The following SYN3 variants were observed in gnomAD, a reference collection of about 807,000 sequenced individuals.
SYN3 encodes the protein synapsin III.
A neutral mutation model predicts 65.8 loss-of-function variants in SYN3; 35 were observed. The ratio of observed to expected loss-of-function variants is 0.53; its 90% CI spans 0.41 to 0.70. The LOEUF is 0.70. SYN3 is among the 30% of genes least tolerant of loss of function. The probability of loss-of-function intolerance (pLI) is 0.00; values close to 1 mark genes in which losing one functional copy is unlikely to be tolerated. For missense variants in SYN3, 680 were observed against 749.0 expected (o/e 0.91, Z 1.08); for synonymous variants, 270 against 292.9 (o/e 0.92, Z 0.80).
chr22:32,687,976 C>T (rs1839817020), intron 6 of SYN3, among the ~76,000 whole-genome samples: 4 of 152,134 alleles, frequency 2.6e-5, no homozygotes, highest in African/African-American at 9.7e-5. Context: ...GTTCAGTCAT[C>T]AACTACCCTT....
chr22:32,762,212 A>G (rs1282752151), intron 6 of SYN3, among the ~76,000 whole-genome samples: 8 of 151,880 alleles, frequency 5.3e-5, no homozygotes, highest in Admixed American at 5.2e-4. Flanking sequence ...GGGTTAAAGC[A>G]GTGGGCTGGG....
At chr22:32,946,184 A>G (rs1412523208) in intron 3 of SYN3, among the ~76,000 whole-genome samples, 21 of 152,212 alleles carry the variant, frequency 1.4e-4, no homozygotes. Context: ...CAGCCATCCC[A>G]TTACTGGGTA....
At chr22:32,888,312 T>C (rs1344901720) in intron 4 of SYN3, among the ~76,000 whole-genome samples, 1 of 152,214 alleles carries the variant, frequency 6.6e-6, no homozygotes, top group Non-Finnish European at 1.5e-5. Flanking sequence ...GCCCACACAG[T>C]ATGCTTTAAG....
At chr22:32,838,089 G>A (rs1329990116) in intron 6 of SYN3, among the ~76,000 whole-genome samples, 2 of 152,142 alleles carry the variant, frequency 1.3e-5, no homozygotes, top group Non-Finnish European at 2.9e-5. Context: ...CTGTCTTCTT[G>A]TCTCACAAGA....
rs79878165 is a variant in SYN3 at position 32,509,002 on chromosome 22, T to C, written c.*4690A>G. Among the ~76,000 whole-genome samples the C allele has an allele frequency of 1.3e-3, 195 of 152,358 alleles. 1 individual carries two copies. The highest frequency in any genetic ancestry group is 6.8e-3 in the Middle Eastern group (2 of 294). ...AATTGAGTGTTAGTTCTATCTTGAA[T>C]GTATCTGAATATTAGTTAATTCAGC... On this transcript the variant is annotated 3_prime_UTR_variant, in exon 14 of 14. Transcript: ENST00000358763.
intron 6 of SYN3, among the ~76,000 whole-genome samples, chr22:32,726,434 C>T (rs1423485676): frequency 1.3e-5 from 2 of 152,244 alleles, no homozygotes. Flanking sequence ...AGCCACCACA[C>T]TCGGCCCCAG....
At chr22:32,681,959 T>C (rs1440456047) in intron 6 of SYN3, among the ~76,000 whole-genome samples, 5 of 89,810 alleles carry the variant, frequency 5.6e-5, no homozygotes. Flanking sequence ...CACATTATGA[T>C]GGTGATGTTT....
At chr22:32,916,576 T>C (rs1379089874) in intron 4 of SYN3, among the ~76,000 whole-genome samples, 1 of 152,216 alleles carries the variant, frequency 6.6e-6, no homozygotes, top group Non-Finnish European at 1.5e-5. Flanking sequence ...TTCTGTGTTT[T>C]AGTTGCCTGC....
intron 4 of SYN3, among the ~76,000 whole-genome samples, chr22:32,886,254 G>C (rs1377826565): frequency 1.3e-5 from 2 of 152,164 alleles, no homozygotes; most frequent in African/African-American, 4.8e-5. Flanking sequence ...CCTGGAATCA[G>C]AACACATAAG....
intron 6 of SYN3, among the ~76,000 whole-genome samples, chr22:32,771,743 T>C (rs150489696): frequency 1.3e-5 from 2 of 152,282 alleles, no homozygotes; most frequent in African/African-American, 4.8e-5. Context: ...TATTAAACAA[T>C]GCACACTGCA....
chr22:32,572,454 CCCTT>C (rs1320247074), intron 7 of SYN3, among the ~76,000 whole-genome samples: 21 of 7,194 alleles, frequency 2.9e-3, no homozygotes, highest in African/African-American at 5.4e-3. Context: ...TTCCTTTCCT[CCCTT>C]CCTTCCTTCT....
chr22:32,775,100 G>A (rs10212070), intron 6 of SYN3, among the ~76,000 whole-genome samples: 7,750 of 152,180 alleles, frequency 0.051, 564 homozygotes, highest in African/African-American at 0.17. Flanking sequence ...CAAGATCAAG[G>A]CTCTGGCTGG....
intron 4 of SYN3, among the ~76,000 whole-genome samples, chr22:32,902,016 T>A (rs1466183793): frequency 6.6e-6 from 1 of 152,136 alleles, no homozygotes; most frequent in East Asian, 1.9e-4. Flanking sequence ...GATTTCTCTA[T>A]GAGATCTGGG....
At chr22:32,571,916 AG>A (rs1488526600) in intron 7 of SYN3, among the ~76,000 whole-genome samples, 3 of 151,964 alleles carry the variant, frequency 2.0e-5, no homozygotes, top group African/African-American at 7.3e-5. Flanking sequence ...TGAGAGTATC[AG>A]GCTGTGTGCT....
At chr22:32,800,974 A>G (rs2046556827) in intron 6 of SYN3, among the ~76,000 whole-genome samples, 1 of 152,192 alleles carries the variant, frequency 6.6e-6, no homozygotes, top group Non-Finnish European at 1.5e-5. Flanking sequence ...CTAGCATCAC[A>G]GAAAATCACC....
At chr22:32,924,004 C>T (rs2050403316) in intron 4 of SYN3, among the ~76,000 whole-genome samples, 1 of 152,140 alleles carries the variant, frequency 6.6e-6, no homozygotes, top group Admixed American at 6.5e-5. Context: ...TCCATGCTCC[C>T]ACAAAAGACA....
chr22:32,654,029 G>A (rs1010111202), intron 6 of SYN3, among the ~76,000 whole-genome samples: 3 of 152,238 alleles, frequency 2.0e-5, no homozygotes, highest in Admixed American at 1.3e-4. Flanking sequence ...AGGGACAGAA[G>A]AAGATCTTCC....
At chr22:32,807,369 A>AAT (rs1460798013) in intron 6 of SYN3, among the ~76,000 whole-genome samples, 4 of 115,550 alleles carry the variant, frequency 3.5e-5, no homozygotes, top group African/African-American at 1.5e-4. Context: ...TATAATATAT[A>AAT]TTATATATAA....
intron 3 of SYN3, among the ~76,000 whole-genome samples, chr22:32,954,959 T>TTC (rs1200776395): frequency 2.0e-5 from 3 of 150,838 alleles, no homozygotes; most frequent in African/African-American, 7.3e-5. Flanking sequence ...TTTTTTCTTT[T>TTC]CATTTTAAAG....
Sources: gnomAD v4.1 joint callset for allele counts (sites outside exome capture counted in the v4.1 genomes callset) on GRCh38, gnomAD v4.1.1 for gene constraint, MANE v1.5 for transcripts, NCBI Gene and HGNC (gene_info 2026-07-23, HGNC 2026-07-21) for gene names.